The following LRRTM4 variants were observed in gnomAD, a reference collection of about 807,000 sequenced individuals.
The protein encoded by LRRTM4 is leucine-rich repeat transmembrane neuronal protein 4.
Under a neutral mutation model 47.6 loss-of-function variants are expected in LRRTM4, and 25 were observed. The ratio of observed to expected loss-of-function variants is 0.53; its 90% CI spans 0.38 to 0.73. The LOEUF (loss-of-function observed/expected upper bound fraction) is 0.73. Ranked by LOEUF, LRRTM4 falls within the 30% of genes least tolerant of loss-of-function variation. The probability of loss-of-function intolerance (pLI) is 0.00; values close to 1 mark genes in which losing one functional copy is unlikely to be tolerated. For missense variants in LRRTM4, 638 were observed against 713.4 expected, an observed-to-expected ratio of 0.89 and a Z score of 1.20; for synonymous variants, 311 against 269.5, an observed-to-expected ratio of 1.15 and a Z score of -1.51.
chr2:76,918,826 C>T (rs1015934942), intron 3 of LRRTM4, among the ~76,000 whole-genome samples: 1 of 152,146 alleles, frequency 6.6e-6, no homozygotes, highest in Non-Finnish European at 1.5e-5. Context: ...AGATTTCCCT[C>T]TGTTAAGAGC....
intron 3 of LRRTM4, among the ~76,000 whole-genome samples, chr2:76,768,901 C>T (rs1222779528): frequency 6.6e-6 from 1 of 151,958 alleles, no homozygotes; most frequent in East Asian, 1.9e-4. Flanking sequence ...ATAGAATGTG[C>T]TGGGGACATG....
At chr2:77,077,323 C>A (rs1174169536) in intron 3 of LRRTM4, among the ~76,000 whole-genome samples, 2 of 152,014 alleles carry the variant, frequency 1.3e-5, no homozygotes, top group Admixed American at 1.3e-4. Context: ...GAGATGGGGG[C>A]AACTTGGTCC....
chr2:77,173,977 T>C (rs763828553), intron 3 of LRRTM4, among the ~76,000 whole-genome samples: 18 of 152,320 alleles, frequency 1.2e-4, no homozygotes, highest in Non-Finnish European at 1.8e-4. Context: ...TTAGAAGACA[T>C]ATCTTAATAG....
intron 3 of LRRTM4, among the ~76,000 whole-genome samples, chr2:76,786,598 CA>C (rs1674686944): frequency 6.6e-6 from 1 of 151,714 alleles, no homozygotes; most frequent in Admixed American, 6.6e-5. Flanking sequence ...GGAAGAAAAC[CA>C]AAACAAAGCT....
chr2:76,752,518 A>G (rs2104056227), intron 3 of LRRTM4, among the ~76,000 whole-genome samples: 1 of 152,306 alleles, frequency 6.6e-6, no homozygotes, highest in South Asian at 2.1e-4. Context: ...CCTCTTGGAG[A>G]GTAAAAACCA....
At chr2:77,230,592 A>C in intron 3 of LRRTM4, among the ~76,000 whole-genome samples, 1 of 152,044 alleles carries the variant, frequency 6.6e-6, no homozygotes, top group African/African-American at 2.4e-5. Context: ...CTTTCCTAAA[A>C]CTTTTGTTGA....
chr2:77,505,641 T>C, intron 3 of LRRTM4, among the ~76,000 whole-genome samples: 1 of 151,676 alleles, frequency 6.6e-6, no homozygotes, highest in East Asian at 1.9e-4. Flanking sequence ...CATTGTGTTT[T>C]GCAAAATTAT....
At chr2:76,784,290 A>G (rs560452412) in intron 3 of LRRTM4, among the ~76,000 whole-genome samples, 2 of 152,186 alleles carry the variant, frequency 1.3e-5, no homozygotes, top group South Asian at 4.1e-4. Context: ...AATCCTATGC[A>G]TACTTTGAAA....
intron 3 of LRRTM4, among the ~76,000 whole-genome samples, chr2:77,488,044 G>A: frequency 6.6e-6 from 1 of 152,170 alleles, no homozygotes; most frequent in African/African-American, 2.4e-5. Flanking sequence ...CAAAAACGGG[G>A]CTGAAACAGA....
intron 3 of LRRTM4, among the ~76,000 whole-genome samples, chr2:76,839,263 T>C (rs974196425): frequency 9.9e-5 from 15 of 152,102 alleles, no homozygotes; most frequent in Admixed American, 8.5e-4. Flanking sequence ...AATGACAATT[T>C]CTGAAAGGGA....
rs1196026839 is a variant in LRRTM4, at chr2:77,518,549, G to C, written c.1320C>G (p.Leu440=). The stretch of plus-strand genomic sequence containing the variant: ...GTTTCCAAGACACATAGATCACCAA[G>C]AGGATCATGGCCACTGAGAGAAAGA... ...VALFLSVAMI[L]LVIYVSWKRY... is the part of the protein sequence containing the mutation. Residue 440 remains leucine, a synonymous_variant, in exon 3 of 4, where the codon CTC becomes CTG. Transcript: ENST00000409884. 4.3e-6 allele frequency: 7 copies of C among 1,613,276 alleles called. No individual in the cohort carries two copies. Among genetic ancestry groups the C allele is most frequent in the Non-Finnish European group, 5.9e-6 (7 of 1,179,624 alleles).
chr2:76,852,494 T>C (rs1286038686), intron 3 of LRRTM4, among the ~76,000 whole-genome samples: 1 of 152,220 alleles, frequency 6.6e-6, no homozygotes, highest in Non-Finnish European at 1.5e-5. Context: ...CTTTTCTGAA[T>C]AGTTTAGTGA....
intron 3 of LRRTM4, among the ~76,000 whole-genome samples, chr2:77,062,497 G>A (rs1317133448): frequency 2.0e-5 from 3 of 152,126 alleles, no homozygotes; most frequent in Admixed American, 6.5e-5. Flanking sequence ...AAACTGATGA[G>A]TAATCTGATC....
intron 3 of LRRTM4, among the ~76,000 whole-genome samples, chr2:76,898,694 C>A (rs146495585): frequency 1.3e-5 from 2 of 150,728 alleles, no homozygotes; most frequent in Non-Finnish European, 2.9e-5. Context: ...AGCATCTGGA[C>A]GTATTAAATT....
chr2:76,981,148 T>C lies in LRRTM4; in HGVS notation c.1552-232232A>G, dbSNP rs183439920. Among the ~76,000 whole-genome samples the C allele has an allele frequency of 3.3e-5, 5 of 152,286 alleles. No homozygotes were observed. In the East Asian group the frequency reaches 5.8e-4, roughly 18 times the overall value. ...ATCTTGTTGTTACACTAAAAAGTGA[T>C]AGTGTTCATTCATTCGTTATTCAAT... is the stretch of plus-strand genomic sequence containing the variant. On this transcript the variant is annotated intron_variant, in intron 3 of 3. Coordinates refer to ENST00000409884, the MANE Select transcript of LRRTM4 (RefSeq NM_001134745.3).
At chr2:77,142,540 C>G (rs1169722238) in intron 3 of LRRTM4, among the ~76,000 whole-genome samples, 1 of 151,898 alleles carries the variant, frequency 6.6e-6, no homozygotes, top group Non-Finnish European at 1.5e-5. Context: ...TGTAACATCC[C>G]AAATATATTA....
intron 3 of LRRTM4, among the ~76,000 whole-genome samples, chr2:76,999,977 T>C (rs1677355106): frequency 1.3e-5 from 2 of 152,022 alleles, no homozygotes; most frequent in South Asian, 4.1e-4. Context: ...AAACAGACAA[T>C]GATAATAGCT....
At chr2:77,447,266 T>G (rs1676087826) in intron 3 of LRRTM4, among the ~76,000 whole-genome samples, 2 of 152,266 alleles carry the variant, frequency 1.3e-5, no homozygotes, top group South Asian at 4.1e-4. Flanking sequence ...TGTGTCTGTG[T>G]GTCTATGTGT....
intron 3 of LRRTM4, among the ~76,000 whole-genome samples, chr2:76,956,449 T>C (rs1465691522): frequency 6.6e-6 from 1 of 151,576 alleles, no homozygotes; most frequent in Admixed American, 6.6e-5. Flanking sequence ...ACCTATGGGA[T>C]GTAGCAAAGG....
Sources: gnomAD v4.1 joint callset for allele counts (sites outside exome capture counted in the v4.1 genomes callset) on GRCh38, gnomAD v4.1.1 for gene constraint, MANE v1.5 for transcripts, NCBI Gene and HGNC (gene_info 2026-07-23, HGNC 2026-07-21) for gene names.